The following KCNMA1 variants were observed in gnomAD, a reference collection of about 807,000 sequenced individuals.
KCNMA1 encodes the protein potassium calcium-activated channel subfamily M alpha 1.
Under a neutral mutation model 140.0 loss-of-function variants are expected in KCNMA1, and 29 were observed. That is an observed-to-expected ratio of 0.21 (90% CI 0.15 to 0.28). The LOEUF (loss-of-function observed/expected upper bound fraction) is 0.28. Among genes scored for constraint, KCNMA1 ranks in the 10% least tolerant of loss-of-function variants. The pLI is 1.00. For missense variants in KCNMA1, 880 were observed against 1,602.2 expected (o/e 0.55, Z 7.70); for synonymous variants, 612 against 611.9 (o/e 1.00, Z 0.00).
chr10:77,096,732 G>A (rs1285386795), intron 9 of KCNMA1, among the ~76,000 whole-genome samples: 2 of 152,156 alleles, frequency 1.3e-5, no homozygotes, highest in Non-Finnish European at 2.9e-5. Context: ...TGAATACATT[G>A]TGCTCACTTT....
intron 1 of KCNMA1, among the ~76,000 whole-genome samples, chr10:77,615,420 C>T (rs1406310038): frequency 6.6e-6 from 1 of 152,190 alleles, no homozygotes; most frequent in Non-Finnish European, 1.5e-5. Flanking sequence ...TCATCTCCAA[C>T]TGCCTGAGGC....
At chr10:77,088,723 C>G (rs2096750229) in intron 10 of KCNMA1, among the ~76,000 whole-genome samples, 1 of 152,214 alleles carries the variant, frequency 6.6e-6, no homozygotes, top group Admixed American at 6.5e-5. Flanking sequence ...GCAACCACAC[C>G]TTACCAGCTT....
At chr10:77,344,663 T>C (rs541761283) in intron 2 of KCNMA1, among the ~76,000 whole-genome samples, 1 of 152,224 alleles carries the variant, frequency 6.6e-6, no homozygotes, top group African/African-American at 2.4e-5. Context: ...AGACTGACTG[T>C]CTTCCCTCTT....
At chr10:77,118,144 G>A (rs2574785) in intron 6 of KCNMA1, among the ~76,000 whole-genome samples, 4,368 of 152,210 alleles carry the variant, frequency 0.029, 250 homozygotes, top group East Asian at 0.16. Context: ...GGAATTCACC[G>A]CCAAAGAGAG....
chr10:77,562,469 T>C (rs534888938), intron 1 of KCNMA1, among the ~76,000 whole-genome samples: 14 of 152,300 alleles, frequency 9.2e-5, no homozygotes, highest in African/African-American at 2.9e-4. Context: ...CTTAATAATA[T>C]TGAACTATAA....
In KCNMA1 at chr10:77,159,231, A is replaced by C. The variant is rs150448310; in HGVS notation, c.808+24190T>G. ...TCCTAAGCCCCCAGAATGGCATTCT[A>C]GGCCAGCTCTTAAAAGATGCTTCAT... On this transcript the variant is annotated intron_variant, in intron 5 of 27. Transcript: ENST00000286628. Among the ~76,000 whole-genome samples the C allele has an allele frequency of 3.3e-3, 497 of 152,330 alleles. 5 individuals are homozygous for C. Among genetic ancestry groups the C allele is most frequent in the African/African-American group, 0.011 (468 of 41,568 alleles).
downstream of KCNMA1, chr10:76,874,381 TC>T (rs1165470011): frequency 6.6e-6 from 1 of 152,156 alleles, no homozygotes; most frequent in African/African-American, 2.4e-5. Context: ...ATGTTCCCAC[TC>T]CTAACTTAGA....
intron 1 of KCNMA1, among the ~76,000 whole-genome samples, chr10:77,511,800 A>G (rs913568337): frequency 1.3e-5 from 2 of 152,216 alleles, no homozygotes; most frequent in African/African-American, 4.8e-5. Flanking sequence ...ACAGGGGTAA[A>G]AGAATTTACC....
Position 77,040,910 on chromosome 10 carries a change from T to C in KCNMA1, c.1750-1273A>G, listed in dbSNP as rs117181775. Among the ~76,000 whole-genome samples the C allele has an allele frequency of 2.8e-4, 42 of 152,334 alleles. No homozygotes were observed. The East Asian group carries it at 7.4e-3, about 27-fold the overall frequency. On this transcript the variant is annotated intron_variant, in intron 14 of 27. Coordinates refer to ENST00000286628, the MANE Select transcript of KCNMA1 (RefSeq NM_001161352.2). Reference sequence around the variant, plus strand: ...TAAAATATGCATTTTTTCTAAGTAGTCAAGTTTAGCTGGTTTTCCCAGCAA... The same window carrying C: ...TAAAATATGCATTTTTTCTAAGTAGCCAAGTTTAGCTGGTTTTCCCAGCAA...
Position 77,637,252 on chromosome 10 carries a change from G to A in KCNMA1, c.378+13C>T. Reference sequence around the variant, plus strand: ...GGCTGGCGCAGAGGGCGGGCGCCCGGGGCGCGCGTTACCTTCGTCTTGCCC... The same window carrying A: ...GGCTGGCGCAGAGGGCGGGCGCCCGAGGCGCGCGTTACCTTCGTCTTGCCC... On this transcript the variant is annotated intron_variant, in intron 1 of 27. Transcript: ENST00000286628. 1 of 1,594,670 alleles carries A rather than the reference G, an allele frequency of 6.3e-7. No homozygotes were observed. The highest frequency in any genetic ancestry group is 8.6e-7 in the Non-Finnish European group (1 of 1,168,428).
chr10:77,090,787 T>C (rs2096794868), intron 9 of KCNMA1: 1 of 530,434 alleles, frequency 1.9e-6, no homozygotes, highest in Non-Finnish European at 3.4e-6. Flanking sequence ...AGTGGTTTTA[T>C]GCATTTAACA....
At chr10:77,472,370 C>T (rs2098182819) in intron 1 of KCNMA1, among the ~76,000 whole-genome samples, 1 of 149,608 alleles carries the variant, frequency 6.7e-6, no homozygotes, top group Non-Finnish European at 1.5e-5. Flanking sequence ...CACACACATA[C>T]TACACACACA....
intron 18 of KCNMA1, among the ~76,000 whole-genome samples, chr10:77,002,738 GT>G (rs1036369100): frequency 3.6e-4 from 55 of 152,206 alleles, no homozygotes; most frequent in African/African-American, 1.2e-3. Flanking sequence ...ACAAGAGAAG[GT>G]TTTTGTACCT....
chr10:77,420,073 A>G lies in KCNMA1; in HGVS notation c.379-16050T>C, dbSNP rs1248194012. Among the ~76,000 whole-genome samples, 4 of 152,322 alleles carry G rather than the reference A, an allele frequency of 2.6e-5. No homozygotes were observed. In the East Asian group the frequency reaches 7.7e-4, roughly 29 times the overall value. On this transcript the variant is annotated intron_variant, in intron 1 of 27. Transcript: ENST00000286628. Reference sequence around the variant, plus strand: ...ACCTGCCTTGGAAGGGCCTGAAGTGAATTGGGGTACGCAGGGCCCTGGCCA... The same window carrying G: ...ACCTGCCTTGGAAGGGCCTGAAGTGGATTGGGGTACGCAGGGCCCTGGCCA...
At chr10:77,020,875 T>C (rs1178089756) in intron 16 of KCNMA1, 1 of 152,188 alleles carries the variant, frequency 6.6e-6, no homozygotes, top group African/African-American at 2.4e-5. Context: ...TGTTTGACTT[T>C]GGGCCAGTTA....
intron 1 of KCNMA1, among the ~76,000 whole-genome samples, chr10:77,491,531 C>A (rs1567133778): frequency 6.6e-6 from 1 of 152,150 alleles, no homozygotes; most frequent in Non-Finnish European, 1.5e-5. Flanking sequence ...CTCCTTAGAG[C>A]AGGACAACAG....
At chr10:77,449,697 C>T (rs866368128) in intron 1 of KCNMA1, among the ~76,000 whole-genome samples, 2 of 141,484 alleles carry the variant, frequency 1.4e-5, no homozygotes, top group Non-Finnish European at 3.0e-5. Context: ...GGCTGGAGTG[C>T]AGTGGCGGGA....
intron 1 of KCNMA1, among the ~76,000 whole-genome samples, chr10:77,576,179 C>G (rs1476446712): frequency 6.6e-6 from 1 of 152,164 alleles, no homozygotes; most frequent in Admixed American, 6.5e-5. Context: ...AGGAACAAGG[C>G]CCTAGACTAG....
intron 19 of KCNMA1, among the ~76,000 whole-genome samples, chr10:77,000,557 A>C (rs1436778425): frequency 6.6e-6 from 1 of 152,170 alleles, no homozygotes; most frequent in Non-Finnish European, 1.5e-5. Context: ...AAGAAGACTG[A>C]CATCAGAGGC....
Sources: allele counts gnomAD v4.1 joint callset (sites outside exome capture counted in the v4.1 genomes callset), GRCh38; gene constraint gnomAD v4.1.1; transcripts MANE v1.5; gene names NCBI Gene and HGNC (gene_info 2026-07-23, HGNC 2026-07-21).